AK5: variants seen among roughly 807,000 people sequenced by gnomAD.
AK5 encodes adenylate kinase 5.
Under a neutral mutation model 69.5 loss-of-function variants are expected in AK5, and 27 were observed. That is an observed-to-expected ratio of 0.39 (90% CI 0.29 to 0.54). AK5 has a LOEUF of 0.54. AK5 is among the 20% of genes least tolerant of loss of function. The pLI is 0.71. For synonymous variants in AK5, 260 were observed against 244.4 expected, an observed-to-expected ratio of 1.06 and a Z score of -0.60; for missense variants, 531 against 700.4, an observed-to-expected ratio of 0.76 and a Z score of 2.73.
At chr1:77,304,747 A>T (rs1236271461) in intron 5 of AK5, among the ~76,000 whole-genome samples, 2 of 152,154 alleles carry the variant, frequency 1.3e-5, no homozygotes, top group African/African-American at 4.8e-5. Flanking sequence ...GTGGATGAAC[A>T]CTTAGTTTGC....
intron 5 of AK5, among the ~76,000 whole-genome samples, chr1:77,317,989 T>C (rs550134043): frequency 1.2e-4 from 18 of 152,360 alleles, no homozygotes; most frequent in African/African-American, 4.1e-4. Flanking sequence ...AGCCATAGCA[T>C]GTTGTCATAG....
chr1:77,303,749 T>C (rs1659471277), intron 5 of AK5, among the ~76,000 whole-genome samples: 1 of 152,236 alleles, frequency 6.6e-6, no homozygotes, highest in African/African-American at 2.4e-5. Flanking sequence ...CCCTGGGACA[T>C]TGTAGACATC....
At position 77,285,000 on chromosome 1, in the gene AK5, T is replaced by C. The variant is rs536175333; in HGVS notation, c.61-1941T>C. Among the ~76,000 whole-genome samples, 4 of 152,314 alleles carry C rather than the reference T, an allele frequency of 2.6e-5. No homozygotes were observed. In the East Asian group the frequency reaches 5.8e-4, roughly 22 times the overall value. ...GGCACAGAGAATCTCATGTTTTCTT[T>C]TATCTCATATCACGTTTCTGCAACA... On this transcript the variant is annotated intron_variant, in intron 1 of 13. Coordinates refer to ENST00000354567, the MANE Select transcript of AK5 (RefSeq NM_174858.3).
intron 2 of AK5, among the ~76,000 whole-genome samples, chr1:77,292,176 G>A (rs534689497): frequency 6.6e-6 from 1 of 152,116 alleles, no homozygotes; most frequent in Non-Finnish European, 1.5e-5. Context: ...GCAGAGAGAG[G>A]AAAAGAAAGT....
At position 77,449,388 on chromosome 1, in the gene AK5, T is replaced by C. The variant is rs374408690; in HGVS notation, c.1059+31673T>C. On this transcript the variant is annotated intron_variant, in intron 8 of 13. Coordinates refer to ENST00000354567, the MANE Select transcript of AK5 (RefSeq NM_174858.3). ...CTGGATTTCAGAGTTGCATGGAGCC[T>C]GTAGCCCCTTCATTTTGGCCAATTT... Among the ~76,000 whole-genome samples the C allele has an allele frequency of 6.6e-5, 10 of 152,196 alleles. No individual in the cohort carries two copies. In the East Asian group the frequency reaches 1.9e-3, roughly 29 times the overall value.
intron 1 of AK5, among the ~76,000 whole-genome samples, chr1:77,286,464 G>A (rs1423729262): frequency 6.6e-5 from 10 of 151,412 alleles, no homozygotes; most frequent in South Asian, 6.3e-4. Context: ...CCATCAGATC[G>A]TAATTTCAAC....
chr1:77,490,610 C>T (rs1037209538), intron 10 of AK5, among the ~76,000 whole-genome samples: 1 of 152,144 alleles, frequency 6.6e-6, no homozygotes, highest in African/African-American at 2.4e-5. Context: ...CAGTTGTTCA[C>T]ATACAAGATA....
intron 12 of AK5, among the ~76,000 whole-genome samples, chr1:77,530,224 C>G (rs1483362672): frequency 6.6e-6 from 1 of 152,324 alleles, no homozygotes; most frequent in East Asian, 1.9e-4. Context: ...TGTTTCTGCT[C>G]TCTTCTGATT....
At chr1:77,465,886 AGC>A (rs1172062059) in intron 8 of AK5, among the ~76,000 whole-genome samples, 1 of 152,226 alleles carries the variant, frequency 6.6e-6, no homozygotes, top group African/African-American at 2.4e-5. Flanking sequence ...TCCTCTTAGT[AGC>A]CACCCTCTGG....
chr1:77,529,334 G>GTTTTTTTTTTTTTTTTTT (rs935476152), intron 12 of AK5, among the ~76,000 whole-genome samples: 13 of 138,030 alleles, frequency 9.4e-5, no homozygotes, highest in African/African-American at 3.5e-4. Flanking sequence ...CGTTTTATAG[G>GTTTTTTTTTTTTTTTTTT]TTTTTTTTTT....
intron 13 of AK5, among the ~76,000 whole-genome samples, chr1:77,549,382 A>G (rs1010156044): frequency 6.6e-6 from 1 of 152,136 alleles, no homozygotes; most frequent in African/African-American, 2.4e-5. Flanking sequence ...GGCATGCAGT[A>G]TGTTAGGATC....
intron 8 of AK5, among the ~76,000 whole-genome samples, chr1:77,464,744 T>C (rs1020606267): frequency 8.5e-5 from 13 of 152,174 alleles, no homozygotes; most frequent in Admixed American, 7.9e-4. Context: ...CATGGAAACA[T>C]GACATTGCCA....
At chr1:77,436,314 T>C (rs909200122) in intron 8 of AK5, among the ~76,000 whole-genome samples, 2 of 152,008 alleles carry the variant, frequency 1.3e-5, no homozygotes, top group Admixed American at 6.6e-5. Flanking sequence ...TTTACATTTA[T>C]TGGTATGCTT....
At chr1:77,428,783 G>C (rs943570078) in intron 8 of AK5, among the ~76,000 whole-genome samples, 1 of 151,904 alleles carries the variant, frequency 6.6e-6, no homozygotes, top group African/African-American at 2.4e-5. Flanking sequence ...GCCCCAGTGT[G>C]TGATGTTCCC....
intron 12 of AK5, 26 bp from the exon 13 acceptor site, chr1:77,535,819 CTG>C: frequency 6.3e-7 from 1 of 1,591,356 alleles, no homozygotes; most frequent in Non-Finnish European, 8.6e-7. Context: ...AGGTTTCTGA[CTG>C]TGTTGTGCTC....
intron 2 of AK5, among the ~76,000 whole-genome samples, chr1:77,293,131 T>C (rs951968752): frequency 6.6e-6 from 1 of 152,188 alleles, no homozygotes; most frequent in Non-Finnish European, 1.5e-5. Flanking sequence ...AATTAGATGA[T>C]GTTACAAGAT....
At chr1:77,518,896 G>C (rs1161560383) in intron 11 of AK5, among the ~76,000 whole-genome samples, 169 bp downstream of exon 11, 1 of 152,154 alleles carries the variant, frequency 6.6e-6, no homozygotes, top group Admixed American at 6.5e-5. Flanking sequence ...ACAGCAGACA[G>C]ACCTTCTACT....
intron 6 of AK5, among the ~76,000 whole-genome samples, chr1:77,367,569 A>ATATATATGT (rs1646980313): frequency 3.2e-5 from 1 of 31,628 alleles, no homozygotes; most frequent in Non-Finnish European, 6.3e-5. Flanking sequence ...ATATATATAT[A>ATATATATGT]TATATATATA....
chr1:77,331,908 G>A (rs1254217629), intron 5 of AK5, among the ~76,000 whole-genome samples: 1 of 152,004 alleles, frequency 6.6e-6, no homozygotes, highest in Non-Finnish European at 1.5e-5. Context: ...TCATTCTTTT[G>A]TCAGTATGGA....
Sources: gnomAD v4.1 joint callset for allele counts (sites outside exome capture counted in the v4.1 genomes callset) on GRCh38, gnomAD v4.1.1 for gene constraint, MANE v1.5 for transcripts, NCBI Gene and HGNC (gene_info 2026-07-23, HGNC 2026-07-21) for gene names.